The following FNIP2 variants were observed in gnomAD, a reference collection of about 807,000 sequenced individuals.
FNIP2 encodes the protein folliculin-interacting protein 2.
Under a neutral mutation model 108.7 loss-of-function variants are expected in FNIP2, and 32 were observed. That is an observed-to-expected ratio of 0.29 (90% CI 0.22 to 0.40). The LOEUF is 0.40. Ranked by LOEUF, FNIP2 falls within the 10% of genes least tolerant of loss-of-function variation. The pLI is 1.00. For synonymous variants in FNIP2, 480 were observed against 496.7 expected, an observed-to-expected ratio of 0.97 and a Z score of 0.45; for missense variants, 1,202 against 1,381.6, an observed-to-expected ratio of 0.87 and a Z score of 2.06.
At chr4:158,844,769 A>G (rs1431635556) in intron 7 of FNIP2, among the ~76,000 whole-genome samples, 2 of 152,252 alleles carry the variant, frequency 1.3e-5, no homozygotes, top group African/African-American at 4.8e-5. Context: ...TCATCAAATA[A>G]TCACTACAGT....
rs1269583361 is a variant in FNIP2, at chr4:158,833,603, T to G, written c.630T>G (p.Gly210=). The G allele has an allele frequency of 1.2e-6, 2 of 1,612,768 alleles. No individual in the cohort carries two copies. The highest frequency in any genetic ancestry group is 1.7e-6 in the Non-Finnish European group (2 of 1,179,516). Reference sequence around the variant, plus strand: ...TGAACACAAATCAAAATAGTTTGGGTCCTTGTCGTACTGGAAGTAACCTAG... The same window carrying G: ...TGAACACAAATCAAAATAGTTTGGGGCCTTGTCGTACTGGAAGTAACCTAG... ...GKLNTNQNSL[G]PCRTGSNLAH... The change falls in exon 6 of 17, where the codon GGT becomes GGG. Residue 210 remains glycine (G), a synonymous_variant. Transcript: ENST00000264433.
chr4:158,883,222 T>TTG (rs898886063), intron 14 of FNIP2, among the ~76,000 whole-genome samples: 18 of 151,062 alleles, frequency 1.2e-4, no homozygotes, highest in Middle Eastern at 3.4e-3. Context: ...CCTGTTCCCT[T>TTG]TGTGTGTGTG....
chr4:158,899,350 A>C (rs1171853029), intron 16 of FNIP2, among the ~76,000 whole-genome samples: 1 of 152,222 alleles, frequency 6.6e-6, no homozygotes, highest in African/African-American at 2.4e-5. Context: ...TTTCAGGATG[A>C]TGCTGGCCTG....
intron 16 of FNIP2, among the ~76,000 whole-genome samples, chr4:158,898,129 T>C (rs1442152952): frequency 6.6e-6 from 1 of 152,208 alleles, no homozygotes; most frequent in Non-Finnish European, 1.5e-5. Flanking sequence ...GTCAGGTTTG[T>C]CAAAGATCAG....
At chr4:158,863,645 A>C (rs1360104141) in intron 12 of FNIP2, among the ~76,000 whole-genome samples, 1 of 152,248 alleles carries the variant, frequency 6.6e-6, no homozygotes, top group Non-Finnish European at 1.5e-5. Context: ...ATTAAAAAGC[A>C]TTTAATTGGT....
intron 16 of FNIP2, among the ~76,000 whole-genome samples, chr4:158,901,789 C>G (rs1306437863): frequency 3.3e-5 from 5 of 151,664 alleles, no homozygotes; most frequent in African/African-American, 1.2e-4. Flanking sequence ...GCTATTGATA[C>G]TTGTGTATGC....
Position 158,779,603 on chromosome 4 carries a change from C to G in FNIP2, c.107+10284C>G, listed in dbSNP as rs985561066. Reference sequence around the variant, plus strand: ...TTTTTTTTTTTGAGATAGAGTCTCACTCTGTCACCCAGGCTGGAAGCAGTG... The same window carrying G: ...TTTTTTTTTTTGAGATAGAGTCTCAGTCTGTCACCCAGGCTGGAAGCAGTG... On this transcript the variant is annotated intron_variant, in intron 1 of 16. Coordinates refer to ENST00000264433, the MANE Select transcript of FNIP2 (RefSeq NM_020840.3). Among the ~76,000 whole-genome samples, 9 of 142,452 alleles carry G rather than the reference C, an allele frequency of 6.3e-5. No individual in the cohort carries two copies. The Admixed American group carries it at 6.5e-4, about 10-fold the overall frequency. 93.5% of individuals were successfully genotyped at this position (142,452 alleles called of 152,430 possible). A position where few individuals can be genotyped will look rare whatever the true frequency, so the allele number is the denominator to read the frequency against.
chr4:158,868,272 C>G lies in FNIP2; in HGVS notation c.1636C>G (p.Gln546Glu). 2 of 1,614,004 alleles carry G rather than the reference C, an allele frequency of 1.2e-6. No individual in the cohort carries two copies. The highest frequency in any genetic ancestry group is 1.3e-5 in the African/African-American group (1 of 75,044). Reference sequence around the variant, plus strand: ...GAGTGGCAATCATGGTGAAGGTGACCAAGTTTTAAATGGGAGCAAGATCAT... The same window carrying G: ...GAGTGGCAATCATGGTGAAGGTGACGAAGTTTTAAATGGGAGCAAGATCAT... ...TWSGNHGEGD[Q>E]VLNGSKIITA... Residue 546 changes from glutamine (Q) to glutamate (E), a missense_variant, in exon 13 of 17, where the codon CAA (glutamine) becomes GAA (glutamate). By Grantham distance (29) the Gln-to-Glu change is conservative. Around this residue, in one of 5 missense-constraint regions of FNIP2, gnomAD observed 878 missense variants for 990.3 expected, o/e 0.89. Coordinates refer to ENST00000264433, the MANE Select transcript of FNIP2 (RefSeq NM_020840.3). This position sits in a 1 kb window ranked among gnomAD's most constrained non-coding sequence, Gnocchi z 4.6.
rs747981198 is a variant in FNIP2 at position 158,868,707 on chromosome 4, C to A, written c.2071C>A (p.Pro691Thr). ...AVCELLKVEMPTRLPDRSVAW... is the reference protein window; with the variant it reads ...AVCELLKVEMTTRLPDRSVAW... ...CTGTGAGCTGTTGAAAGTGGAGATG[C>A]CTACAAGACTGCCAGACCGGTCAGT... Residue 691 changes from proline to threonine, a missense_variant, in exon 13 of 17, where the codon CCT (proline) becomes ACT (threonine). Coordinates refer to ENST00000264433, the MANE Select transcript of FNIP2 (RefSeq NM_020840.3). This position sits in a 1 kb window ranked among gnomAD's most constrained non-coding sequence, Gnocchi z 4.6. 2 of 1,613,900 alleles carry A rather than the reference C, an allele frequency of 1.2e-6. No homozygotes were observed. Among genetic ancestry groups the A allele is most frequent in the African/African-American group, 2.7e-5 (2 of 74,936 alleles).
chr4:158,895,688 T>A lies in FNIP2; in HGVS notation c.3151-62T>A, dbSNP rs1423823255. 9 of 1,019,528 alleles carry A rather than the reference T, an allele frequency of 8.8e-6. No homozygotes were observed. The East Asian group carries it at 2.3e-4, about 26-fold the overall frequency. 63.2% of individuals were successfully genotyped at this position (1,019,528 alleles called of 1,614,324 possible). A position where few individuals can be genotyped will look rare whatever the true frequency, so the allele number is the denominator to read the frequency against. On this transcript the variant is annotated intron_variant, in intron 15 of 16. Transcript: ENST00000264433. ...AGAAATGAATTAAGAAAATTCTGAC[T>A]CTTAAAATATTGGCAGAGATTTGAC...
rs58289276 is a variant in FNIP2, at chr4:158,791,072, G to A, written c.107+21753G>A. On this transcript the variant is annotated intron_variant, in intron 1 of 16. Transcript: ENST00000264433. ...CCTAATTTAATGGAATGGAGAGAGA[G>A]GGGTGAGGGTAACAAGGGAGGTGGA... Among the ~76,000 whole-genome samples the A allele has an allele frequency of 3.7e-3, 556 of 152,068 alleles. 2 individuals are homozygous for A. The highest frequency in any genetic ancestry group is 0.013 in the African/African-American group (526 of 41,498).
At chr4:158,870,593 GT>G (rs929301117) in intron 14 of FNIP2, 124 bp downstream of exon 14, 159 of 1,280,394 alleles carry the variant, frequency 1.2e-4, no homozygotes, top group Middle Eastern at 1.0e-3. Context: ...TGTGGGCAGG[GT>G]TATGGGAACC....
At chr4:158,789,883 G>A (rs1776353778) in intron 1 of FNIP2, among the ~76,000 whole-genome samples, 1 of 152,058 alleles carries the variant, frequency 6.6e-6, no homozygotes, top group Non-Finnish European at 1.5e-5. Flanking sequence ...GGGAAAAGGG[G>A]AGGAGGGGTT....
chr4:158,829,200 C>T lies in FNIP2; in HGVS notation c.356C>T (p.Ala119Val). The T allele has an allele frequency of 6.2e-7, 1 of 1,612,142 alleles. No individual in the cohort carries two copies. Among genetic ancestry groups the T allele is most frequent in the Non-Finnish European group, 8.5e-7 (1 of 1,179,022 alleles). The change falls in exon 3 of 17, where the codon GCT (alanine) becomes GTT (valine). Residue 119 changes from alanine to valine, a missense_variant. Transcript: ENST00000264433. The part of the protein sequence containing the change: ...HSSSGGSSHH[A>V]KEQLPKYQYT... ...TCTTCTGGGGGATCTTCACATCATG[C>T]TAAGGAACAGCTTCCAAAGTACCAG... is the stretch of plus-strand genomic sequence containing the variant.
At chr4:158,844,811 A>T (rs544221699) in intron 7 of FNIP2, among the ~76,000 whole-genome samples, 2 of 152,278 alleles carry the variant, frequency 1.3e-5, no homozygotes, top group Non-Finnish European at 2.9e-5. Flanking sequence ...AGTAGCAAAA[A>T]TTTTTTTTCA....
intron 5 of FNIP2, among the ~76,000 whole-genome samples, chr4:158,832,739 G>C (rs1426538475): frequency 6.6e-6 from 1 of 152,126 alleles, no homozygotes; most frequent in Non-Finnish European, 1.5e-5. Flanking sequence ...TTTAACATTG[G>C]AATGTCATGA....
chr4:158,869,928 T>C (rs1394685344), intron 13 of FNIP2, among the ~76,000 whole-genome samples: 2 of 152,206 alleles, frequency 1.3e-5, no homozygotes, highest in Admixed American at 1.3e-4. Flanking sequence ...AAGCAGTAAT[T>C]AGAAATTTCT....
chr4:158,787,974 A>C (rs1776275912), intron 1 of FNIP2, among the ~76,000 whole-genome samples: 1 of 151,802 alleles, frequency 6.6e-6, no homozygotes, highest in Non-Finnish European at 1.5e-5. Flanking sequence ...CCTGACTCAC[A>C]CTCCTAACTA....
chr4:158,897,260 G>C (rs986950261), intron 16 of FNIP2, among the ~76,000 whole-genome samples: 1 of 152,148 alleles, frequency 6.6e-6, no homozygotes, highest in Non-Finnish European at 1.5e-5. Context: ...ATTTCGGTTG[G>C]TTCCAAGTCT....
Sources: allele counts gnomAD v4.1 joint callset (sites outside exome capture counted in the v4.1 genomes callset), GRCh38; gene constraint gnomAD v4.1.1; regional missense constraint gnomAD v4.1.1; non-coding constraint Gnocchi (gnomAD v3.1); transcripts MANE v1.5; gene names NCBI Gene and HGNC (gene_info 2026-07-23, HGNC 2026-07-21).